GRM8: variants seen among roughly 807,000 people sequenced by gnomAD.
GRM8 encodes glutamate metabotropic receptor 8.
In GRM8, 47 loss-of-function variants were observed where a neutral mutation model predicts 87.2. That is an observed-to-expected ratio of 0.54 (90% CI 0.43 to 0.69). The LOEUF (loss-of-function observed/expected upper bound fraction) is 0.69, where lower values mean the gene tolerates loss of function less well. Among genes scored for constraint, GRM8 ranks in the 30% least tolerant of loss-of-function variants. The pLI, the probability that GRM8 is intolerant of heterozygous loss-of-function variation, is 0.00. For missense variants in GRM8, 1,019 were observed against 1,139.2 expected, an observed-to-expected ratio of 0.89 and a Z score of 1.52; for synonymous variants, 396 against 404.5, an observed-to-expected ratio of 0.98 and a Z score of 0.25.
At chr7:126,485,367 A>G (rs1267578153) in intron 9 of GRM8, among the ~76,000 whole-genome samples, 3 of 148,190 alleles carry the variant, frequency 2.0e-5, no homozygotes, top group East Asian at 2.1e-4. Context: ...ACAAAAAAAA[A>G]GGGGGTGGGG....
rs147397029 is a variant in GRM8 at position 126,839,582 on chromosome 7, A to C, written c.1156+62960T>G. ...CTGAGAAAATCTGATACTGAGAATT[A>C]CAAATTTGAGACGAGAAAACGATGA... On this transcript the variant is annotated intron_variant, in intron 6 of 10. Transcript: ENST00000339582. 1.8e-3 allele frequency among the ~76,000 whole-genome samples: 280 copies of C among 152,342 alleles called. 1 individual carries two copies. The highest frequency in any genetic ancestry group is 4.1e-3 in the Admixed American group (62 of 15,306).
chr7:126,862,594 G>T (rs1233272178), intron 6 of GRM8, among the ~76,000 whole-genome samples: 1 of 151,886 alleles, frequency 6.6e-6, no homozygotes, highest in African/African-American at 2.4e-5. Context: ...CTGACTGCAT[G>T]CATCCTTGTG....
At chr7:126,847,443 C>A (rs963804538) in intron 6 of GRM8, among the ~76,000 whole-genome samples, 2 of 152,148 alleles carry the variant, frequency 1.3e-5, no homozygotes, top group African/African-American at 2.4e-5. Flanking sequence ...GCGTATGACC[C>A]TGCAATCTGG....
chr7:127,020,055 A>C (rs1023950523), intron 3 of GRM8, among the ~76,000 whole-genome samples: 1 of 152,146 alleles, frequency 6.6e-6, no homozygotes, highest in Non-Finnish European at 1.5e-5. Context: ...TAACACAAAA[A>C]GTGAGTTTCT....
At chr7:126,771,375 G>T (rs1037551966) in intron 6 of GRM8, among the ~76,000 whole-genome samples, 3 of 151,050 alleles carry the variant, frequency 2.0e-5, no homozygotes, top group African/African-American at 7.3e-5. Context: ...CTCTTGGTTG[G>T]TATTCTGGTC....
intron 2 of GRM8, among the ~76,000 whole-genome samples, chr7:127,136,989 T>C (rs773611497): frequency 1.2e-4 from 18 of 152,106 alleles, no homozygotes; most frequent in Non-Finnish European, 2.6e-4. Context: ...TGAAAGAATG[T>C]ATATAAGAAT....
At chr7:126,759,450 C>G (rs766806046) in intron 7 of GRM8, among the ~76,000 whole-genome samples, 1 of 152,122 alleles carries the variant, frequency 6.6e-6, no homozygotes, top group African/African-American at 2.4e-5. Flanking sequence ...AAAGAATGAA[C>G]CCCACCTGGT....
chr7:126,450,628 T>TC (rs1332886907), intron 9 of GRM8, among the ~76,000 whole-genome samples: 1 of 151,700 alleles, frequency 6.6e-6, no homozygotes, highest in Non-Finnish European at 1.5e-5. Context: ...AGAAGTGATT[T>TC]TTTTTTTTTA....
chr7:126,600,514 T>C (rs914328594), intron 8 of GRM8, among the ~76,000 whole-genome samples: 3 of 152,164 alleles, frequency 2.0e-5, no homozygotes, highest in African/African-American at 7.2e-5. Flanking sequence ...TCATCCTGCC[T>C]GGCAGGGAAC....
chr7:126,575,364 C>T (rs1368238579), intron 8 of GRM8, among the ~76,000 whole-genome samples: 1 of 151,732 alleles, frequency 6.6e-6, no homozygotes, highest in Non-Finnish European at 1.5e-5. Flanking sequence ...AGGGCTCCCA[C>T]TGATTCTACA....
chr7:126,936,945 T>A (rs1474701342), intron 3 of GRM8, among the ~76,000 whole-genome samples: 1 of 152,246 alleles, frequency 6.6e-6, no homozygotes, highest in Non-Finnish European at 1.5e-5. Flanking sequence ...GCCTGTATTC[T>A]AATATACAGT....
chr7:127,123,669 T>A (rs1827204412), intron 2 of GRM8, among the ~76,000 whole-genome samples: 3 of 152,182 alleles, frequency 2.0e-5, no homozygotes, highest in African/African-American at 7.2e-5. Flanking sequence ...CAAAATGAAC[T>A]AAGACAACTT....
chr7:127,179,029 G>A (rs1390075472), intron 2 of GRM8, among the ~76,000 whole-genome samples: 1 of 152,172 alleles, frequency 6.6e-6, no homozygotes, highest in Non-Finnish European at 1.5e-5. Context: ...TACATTGAAT[G>A]TAAATGGCCT....
At chr7:126,954,347 C>T (rs751475826) in intron 3 of GRM8, among the ~76,000 whole-genome samples, 1 of 152,106 alleles carries the variant, frequency 6.6e-6, no homozygotes, top group Non-Finnish European at 1.5e-5. Flanking sequence ...AATCCTAAGA[C>T]AGTAGGGCTA....
chr7:126,912,328 A>G lies in GRM8; in HGVS notation c.728-7645T>C, dbSNP rs1803398793. 2.0e-5 allele frequency among the ~76,000 whole-genome samples: 3 copies of G among 152,316 alleles called. No homozygotes were observed. In the South Asian group the frequency reaches 6.2e-4, roughly 32 times the overall value. ...ATCATTGAGGGCCTAAATGGAACAA[A>G]AATGTAGACCAAGGTTGAATGAACT... On this transcript the variant is annotated intron_variant, in intron 3 of 10. Transcript: ENST00000339582.
intron 3 of GRM8, among the ~76,000 whole-genome samples, chr7:126,973,853 A>T (rs946325675): frequency 1.3e-5 from 2 of 152,212 alleles, no homozygotes; most frequent in Non-Finnish European, 2.9e-5. Flanking sequence ...TAAATAAAAA[A>T]CGTCAACTAT....
At position 126,834,249 on chromosome 7, in the gene GRM8, T is replaced by A. The variant is rs191376800; in HGVS notation, c.1157-64184A>T. Among the ~76,000 whole-genome samples the A allele has an allele frequency of 3.8e-4, 58 of 152,304 alleles. No individual in the cohort carries two copies. The East Asian group carries it at 0.01, about 27-fold the overall frequency. Reference sequence around the variant, plus strand: ...GCAAAAGGAAAACACCTGGCTAGAATCCTCATATCCAATCTAAAAATAAGA... The same window carrying A: ...GCAAAAGGAAAACACCTGGCTAGAAACCTCATATCCAATCTAAAAATAAGA... On this transcript the variant is annotated intron_variant, in intron 6 of 10. Transcript: ENST00000339582.
chr7:126,653,051 A>C (rs1046620346), intron 7 of GRM8, among the ~76,000 whole-genome samples: 3 of 152,112 alleles, frequency 2.0e-5, no homozygotes, highest in African/African-American at 4.8e-5. Flanking sequence ...TATGCACTTT[A>C]GGGAAAACTC....
intron 9 of GRM8, among the ~76,000 whole-genome samples, chr7:126,489,920 C>G (rs2237732): frequency 0.38 from 58,162 of 151,830 alleles, 11,369 homozygotes; most frequent in Admixed American, 0.42. Flanking sequence ...ATTCCTCCCC[C>G]TCCCCCACCA....
Sources: gnomAD v4.1 joint callset for allele counts (sites outside exome capture counted in the v4.1 genomes callset) on GRCh38, gnomAD v4.1.1 for gene constraint, MANE v1.5 for transcripts, NCBI Gene and HGNC (gene_info 2026-07-23, HGNC 2026-07-21) for gene names.